The following DCP1A variants were observed in gnomAD, a reference collection of about 807,000 sequenced individuals.
DCP1A encodes decapping mRNA 1A, also known as mRNA-decapping enzyme 1A.
DCP1A carries 20 observed loss-of-function variants against 58.0 expected under a neutral mutation model. The ratio of observed to expected loss-of-function variants is 0.34; its 90% CI spans 0.24 to 0.50. The LOEUF (loss-of-function observed/expected upper bound fraction) is 0.50, where lower values mean the gene tolerates loss of function less well. DCP1A is among the 20% of genes least tolerant of loss of function. DCP1A has a pLI of 0.98. For missense variants in DCP1A, 613 were observed against 712.2 expected, an observed-to-expected ratio of 0.86 and a Z score of 1.59; for synonymous variants, 285 against 275.1, an observed-to-expected ratio of 1.04 and a Z score of -0.36.
At chr3:53,293,919 C>A (rs1201092286) in intron 6 of DCP1A, among the ~76,000 whole-genome samples, 2 of 152,106 alleles carry the variant, frequency 1.3e-5, no homozygotes, top group Non-Finnish European at 2.9e-5. Context: ...GTAAGGGCCC[C>A]CCCACCGGAC....
chr3:53,292,754 G>T lies in DCP1A; in HGVS notation c.698C>A (p.Ala233Glu), dbSNP rs1553686336. 6.2e-7 allele frequency: 1 copy of T among 1,613,592 alleles called. No individual in the cohort carries two copies. Among genetic ancestry groups the T allele is most frequent in the Non-Finnish European group, 8.5e-7 (1 of 1,179,878 alleles). Residue 233 changes from alanine (A) to glutamate (E), a missense_variant, in exon 7 of 10, where the codon GCA (alanine) becomes GAA (glutamate). Transcript: ENST00000610213. ...FGTSLPKEQP[A>E]VVGLDSEEME... ...TTCTTCTGAATCCAGACCCACAACT[G>T]CTGGTTGTTCCTTTGGCAAAGAGGT...
chr3:53,302,993 G>C (rs1348940746), intron 6 of DCP1A, among the ~76,000 whole-genome samples: 2 of 152,046 alleles, frequency 1.3e-5, no homozygotes, highest in South Asian at 2.1e-4. Flanking sequence ...CTGCTACCCA[G>C]GCTGGAGTGC....
At chr3:53,318,535 A>T (rs1055232706) in intron 4 of DCP1A, among the ~76,000 whole-genome samples, 4 of 152,102 alleles carry the variant, frequency 2.6e-5, no homozygotes, top group African/African-American at 9.7e-5. Context: ...TCTACCTATT[A>T]TAGCATTTTG....
At chr3:53,336,959 T>A (rs1202050514) in intron 3 of DCP1A, among the ~76,000 whole-genome samples, 1 of 152,038 alleles carries the variant, frequency 6.6e-6, no homozygotes, top group East Asian at 1.9e-4. Context: ...CAACCTTCAC[T>A]GCCTGGGTTC....
intron 5 of DCP1A, among the ~76,000 whole-genome samples, chr3:53,311,139 TTC>T (rs1707631880): frequency 6.6e-6 from 1 of 152,226 alleles, no homozygotes; most frequent in Non-Finnish European, 1.5e-5. Context: ...TGAAGCTTTT[TTC>T]AGGATCACTG....
intron 3 of DCP1A, among the ~76,000 whole-genome samples, chr3:53,331,598 C>G (rs1410463045): frequency 7.7e-6 from 1 of 129,128 alleles, no homozygotes; most frequent in Non-Finnish European, 1.7e-5. Flanking sequence ...GATGTGCATA[C>G]AACAAAACTG....
chr3:53,326,980 C>CT (rs1262004013), intron 3 of DCP1A, among the ~76,000 whole-genome samples: 1 of 149,780 alleles, frequency 6.7e-6, no homozygotes, highest in African/African-American at 2.5e-5. Flanking sequence ...TGTCCAACCC[C>CT]CCCCCCCCAA....
chr3:53,296,107 G>T (rs1707116573), intron 6 of DCP1A, among the ~76,000 whole-genome samples: 1 of 152,096 alleles, frequency 6.6e-6, no homozygotes, highest in Admixed American at 6.6e-5. Context: ...GCCCGGGCTG[G>T]TCTCAAACTT....
chr3:53,344,783 G>A, intron 2 of DCP1A, 119 bp downstream of exon 2: 1 of 652,802 alleles, frequency 1.5e-6, no homozygotes, highest in East Asian at 3.1e-5. Context: ...AGGGAAAGAT[G>A]AAAACTTGAA....
Position 53,285,835 on chromosome 3 carries a change from C to T in DCP1A, c.*1745G>A, listed in dbSNP as rs1706613842. ...GGTGTCAGCAACACTCTGTATCCCA[C>T]TATAGCTTTCTCGTTCCCAGATGAT... On this transcript the variant is annotated 3_prime_UTR_variant, in exon 10 of 10. Coordinates refer to ENST00000610213, the MANE Select transcript of DCP1A (RefSeq NM_018403.7). The T allele has an allele frequency of 6.6e-6, 1 of 152,326 alleles. No homozygotes were observed. Among genetic ancestry groups the T allele is most frequent in the East Asian group, 1.9e-4 (1 of 5,180 alleles). The allele number at this position is 152,326 out of a possible 1,614,324, so 9.4% of individuals were successfully genotyped here.
intron 3 of DCP1A, among the ~76,000 whole-genome samples, chr3:53,340,339 G>A (rs2089184856): frequency 1.3e-5 from 2 of 152,190 alleles, no homozygotes; most frequent in Admixed American, 1.3e-4. Context: ...TACAAAGCAT[G>A]TCTAATATGT....
chr3:53,295,217 G>C (rs759512983), intron 6 of DCP1A, among the ~76,000 whole-genome samples: 11 of 152,190 alleles, frequency 7.2e-5, no homozygotes, highest in Non-Finnish European at 1.3e-4. Flanking sequence ...AGGTGAGAGG[G>C]ACAGGGCAGG....
chr3:53,300,776 T>C (rs942507900), intron 6 of DCP1A, among the ~76,000 whole-genome samples: 13 of 151,928 alleles, frequency 8.6e-5, no homozygotes, highest in African/African-American at 2.9e-4. Flanking sequence ...GCCTCCTGAG[T>C]AGCTGTGATT....
At chr3:53,328,699 C>T (rs2106870933) in intron 3 of DCP1A, among the ~76,000 whole-genome samples, 1 of 152,308 alleles carries the variant, frequency 6.6e-6, no homozygotes, top group South Asian at 2.1e-4. Context: ...TAAGCAGCGC[C>T]TACAATGAGC....
intron 3 of DCP1A, among the ~76,000 whole-genome samples, chr3:53,337,132 A>G (rs1424421105): frequency 6.6e-6 from 1 of 152,184 alleles, no homozygotes; most frequent in Non-Finnish European, 1.5e-5. Flanking sequence ...TTGGCCTCCC[A>G]AAGTGCTGGG....
At chr3:53,329,993 T>C (rs1203189960) in intron 3 of DCP1A, among the ~76,000 whole-genome samples, 1 of 152,282 alleles carries the variant, frequency 6.6e-6, no homozygotes, top group South Asian at 2.1e-4. Context: ...ATCAAGACCA[T>C]ATACTCTTTC....
intron 3 of DCP1A, among the ~76,000 whole-genome samples, chr3:53,339,141 A>T (rs2089163567): frequency 1.3e-5 from 2 of 152,288 alleles, no homozygotes; most frequent in Admixed American, 1.3e-4. Context: ...AAACAACTTA[A>T]TAGCTCGCTG....
At chr3:53,301,199 T>C (rs1707302342) in intron 6 of DCP1A, among the ~76,000 whole-genome samples, 1 of 152,294 alleles carries the variant, frequency 6.6e-6, no homozygotes, top group East Asian at 1.9e-4. Flanking sequence ...TCTAAATATC[T>C]AAAAACATTT....
In DCP1A at chr3:53,347,407, G is replaced by T. The variant is rs1553693270; in HGVS notation, c.111C>A (p.Thr37=). 6.2e-7 allele frequency: 1 copy of T among 1,611,438 alleles called. No homozygotes were observed. The highest frequency in any genetic ancestry group is 8.5e-7 in the Non-Finnish European group (1 of 1,178,680). ...CCCACTGGTTGGCCTTGGGGCAGAA[G>T]GTGTACAGAGCGACCTGGCCCGTGA... The part of the protein sequence containing the change: ...ADLTGQVALY[T]FCPKANQWEK... The change falls in exon 1 of 10, where the codon ACC becomes ACA. Residue 37 remains threonine, a synonymous_variant. Coordinates refer to ENST00000610213, the MANE Select transcript of DCP1A (RefSeq NM_018403.7).
Sources: gnomAD v4.1 joint callset for allele counts (sites outside exome capture counted in the v4.1 genomes callset) on GRCh38, gnomAD v4.1.1 for gene constraint, MANE v1.5 for transcripts, NCBI Gene and HGNC (gene_info 2026-07-23, HGNC 2026-07-21) for gene names.